The following HSPA4L variants were observed in gnomAD, a reference collection of about 807,000 sequenced individuals.
The protein encoded by HSPA4L is heat shock protein family A (Hsp70) member 4 like, also known as heat shock 70 kDa protein 4L.
HSPA4L carries 48 observed loss-of-function variants against 100.3 expected under a neutral mutation model. The ratio of observed to expected loss-of-function variants is 0.48; its 90% confidence interval spans 0.38 to 0.61. The LOEUF is 0.61. HSPA4L is among the 20% of genes least tolerant of loss of function. The pLI is 0.00. For missense variants in HSPA4L, 886 were observed against 988.6 expected (o/e 0.90, Z 1.39); for synonymous variants, 319 against 328.2 (o/e 0.97, Z 0.30).
At chr4:127,809,742 T>G (rs979387367) in intron 11 of HSPA4L, among the ~76,000 whole-genome samples, 12 of 152,228 alleles carry the variant, frequency 7.9e-5, no homozygotes, top group African/African-American at 2.7e-4. Context: ...CTGAACTGGA[T>G]GGTCACAAAA....
rs1165357791 is a variant in HSPA4L, at chr4:127,808,056, C to A, written c.1305C>A (p.His435Gln). 9 of 1,612,212 alleles carry A rather than the reference C, an allele frequency of 5.6e-6. No homozygotes were observed. In the Admixed American group the frequency reaches 1.5e-4, roughly 27 times the overall value. Reference sequence around the variant, plus strand: ...CATTCTCAAAAGTCATTACTTTCCACAAGAAGGAACCATTTGAACTAGAAG... The same window carrying A: ...CATTCTCAAAAGTCATTACTTTCCAAAAGAAGGAACCATTTGAACTAGAAG... ...PAPFSKVITFHKKEPFELEAF... is the reference protein window; with the variant it reads ...PAPFSKVITFQKKEPFELEAF... The change falls in exon 11 of 19, where the codon CAC (histidine) becomes CAA (glutamine). Residue 435 changes from histidine to glutamine, a missense_variant. Coordinates refer to ENST00000296464, the MANE Select transcript of HSPA4L (RefSeq NM_014278.4).
chr4:127,792,229 C>T (rs915041090), intron 1 of HSPA4L, among the ~76,000 whole-genome samples: 8 of 152,162 alleles, frequency 5.3e-5, no homozygotes, highest in Admixed American at 3.9e-4. Context: ...TAATCTGGCA[C>T]CTGAGACCCT....
chr4:127,825,080 C>G (rs1733915248), intron 16 of HSPA4L, among the ~76,000 whole-genome samples: 1 of 150,910 alleles, frequency 6.6e-6, no homozygotes, highest in African/African-American at 2.4e-5. Flanking sequence ...GTGGAACTTG[C>G]AGTGAGCTGA....
rs991489678 is a variant in HSPA4L at position 127,839,162 on chromosome 4, C to G, written c.*6288C>G. The G allele has an allele frequency of 3.9e-5, 6 of 152,154 alleles. No individual in the cohort carries two copies. The highest frequency in any genetic ancestry group is 1.4e-4 in the African/African-American group (6 of 41,428). The allele number at this position is 152,154 out of a possible 1,614,324, so 9.4% of individuals were successfully genotyped here. A position where few individuals can be genotyped will look rare whatever the true frequency, so the allele number is the denominator to read the frequency against. ...TAGACACCTTTGATTCTTTGCTGCT[C>G]TCTGGTTATGTATGTGTGTTGTGCA... On this transcript the variant is annotated 3_prime_UTR_variant, in exon 19 of 19. Transcript: ENST00000296464.
Position 127,840,532 on chromosome 4 carries a change from T to G in HSPA4L, c.*7658T>G, listed in dbSNP as rs780783229. 6.6e-6 allele frequency: 1 copy of G among 152,230 alleles called. No homozygotes were observed. The highest frequency in any genetic ancestry group is 1.5e-5 in the Non-Finnish European group (1 of 68,036). The allele number at this position is 152,230 out of a possible 1,614,324, so 9.4% of individuals were successfully genotyped here. A position where few individuals can be genotyped will look rare whatever the true frequency, so the allele number is the denominator to read the frequency against. On this transcript the variant is annotated 3_prime_UTR_variant, in exon 19 of 19. Transcript: ENST00000296464. ...TTGGTAACATAGGAATATGTATTTG[T>G]CAATTTTAGTTCACAAACATATCCA...
intron 3 of HSPA4L, 32 bp from the exon 4 acceptor site, chr4:127,798,555 C>T (rs768927952): frequency 1.9e-6 from 3 of 1,609,034 alleles, no homozygotes; most frequent in South Asian, 2.2e-5. Flanking sequence ...AAACAAATGA[C>T]TCTTAATAAA....
rs1178282709 is a variant in HSPA4L at position 127,838,770 on chromosome 4, TTTG to T, written c.*5899_*5901del. The T allele has an allele frequency of 2.0e-5, 3 of 152,350 alleles. No homozygotes were observed. The highest frequency in any genetic ancestry group is 1.9e-4 in the East Asian group (1 of 5,194). The allele number at this position is 152,350 out of a possible 1,614,324, so 9.4% of individuals were successfully genotyped here. The stretch of plus-strand genomic sequence containing the variant: ...ATAATCACTGTATTTTTCTCAAGTA[TTTG>T]TTATTTTTTATTATCCTTTAGATCT... On this transcript the variant is annotated 3_prime_UTR_variant, in exon 19 of 19. Transcript: ENST00000296464.
chr4:127,831,135 G>C (rs1233459934), intron 18 of HSPA4L, among the ~76,000 whole-genome samples: 1 of 152,074 alleles, frequency 6.6e-6, no homozygotes, highest in Admixed American at 6.6e-5. Flanking sequence ...CTTTGACCTA[G>C]TTTGAAGCGT....
intron 11 of HSPA4L, 27 bp downstream of exon 11, chr4:127,808,156 C>T (rs1472612658): frequency 1.9e-6 from 3 of 1,566,914 alleles, no homozygotes; most frequent in South Asian, 2.4e-5. Flanking sequence ...TTCTCCATAA[C>T]ATTTTGGCCT....
intron 4 of HSPA4L, among the ~76,000 whole-genome samples, chr4:127,798,919 A>T (rs1053562407): frequency 3.3e-5 from 5 of 152,182 alleles, no homozygotes; most frequent in Non-Finnish European, 5.9e-5. Context: ...AGTGACTCTT[A>T]AAAAACTGTT....
intron 1 of HSPA4L, among the ~76,000 whole-genome samples, chr4:127,789,384 C>T (rs899443375): frequency 2.8e-4 from 43 of 152,232 alleles, no homozygotes; most frequent in Non-Finnish European, 4.7e-4. Flanking sequence ...CGGTGGCTCA[C>T]GCCTGTAATC....
intron 17 of HSPA4L, 140 bp downstream of exon 17, chr4:127,827,564 C>CA: frequency 1.3e-6 from 1 of 779,466 alleles, no homozygotes; most frequent in Non-Finnish European, 1.9e-6. Context: ...AAACTTAAAA[C>CA]TTTTTTTTTT....
chr4:127,797,953 C>CT (rs2148781726), intron 3 of HSPA4L, among the ~76,000 whole-genome samples: 1 of 152,178 alleles, frequency 6.6e-6, no homozygotes, highest in South Asian at 2.1e-4. Context: ...TTCATTTTCT[C>CT]TTATTTCTGT....
chr4:127,809,393 A>T, intron 11 of HSPA4L: 1 of 1,219,146 alleles, frequency 8.2e-7, no homozygotes, highest in Non-Finnish European at 1.2e-6. Context: ...ATGCTCATGC[A>T]CATTCATTTG....
chr4:127,790,473 A>G (rs995196092), intron 1 of HSPA4L, among the ~76,000 whole-genome samples: 1 of 152,238 alleles, frequency 6.6e-6, no homozygotes, highest in Admixed American at 6.5e-5. Flanking sequence ...GGAGTTATTT[A>G]TAAGAGATGT....
At chr4:127,783,086 T>C (rs1732612359) in intron 1 of HSPA4L, among the ~76,000 whole-genome samples, 1 of 151,908 alleles carries the variant, frequency 6.6e-6, no homozygotes, top group South Asian at 2.1e-4. Flanking sequence ...CCTTTCCCCG[T>C]CCCTCTGGGT....
At chr4:127,827,674 C>G (rs1379615780) in intron 17 of HSPA4L, among the ~76,000 whole-genome samples, 2 of 152,006 alleles carry the variant, frequency 1.3e-5, no homozygotes, top group Non-Finnish European at 2.9e-5. Flanking sequence ...TATAAAATAA[C>G]CCAGTGACCA....
intron 12 of HSPA4L, chr4:127,813,189 T>C: frequency 7.2e-6 from 10 of 1,395,846 alleles, no homozygotes; most frequent in Non-Finnish European, 9.0e-6. Context: ...TCTTTCCCTT[T>C]GTGTTCGTCA....
At chr4:127,788,366 A>G (rs2148775229) in intron 1 of HSPA4L, among the ~76,000 whole-genome samples, 1 of 152,354 alleles carries the variant, frequency 6.6e-6, no homozygotes, top group Non-Finnish European at 1.5e-5. Context: ...TTTAAGTAGC[A>G]AGCTAGAAAG....
Sources: allele counts gnomAD v4.1 joint callset (sites outside exome capture counted in the v4.1 genomes callset), GRCh38; gene constraint gnomAD v4.1.1; transcripts MANE v1.5; gene names NCBI Gene and HGNC (gene_info 2026-07-23, HGNC 2026-07-21).